The following GRID2 variants were observed in gnomAD, a reference collection of about 807,000 sequenced individuals.
GRID2 encodes glutamate ionotropic receptor delta type subunit 2, also known as glutamate receptor ionotropic, delta-2.
In GRID2, 33 loss-of-function variants were observed where a neutral mutation model predicts 114.8. The ratio of observed to expected loss-of-function variants is 0.29; its 90% CI spans 0.22 to 0.38. The LOEUF (loss-of-function observed/expected upper bound fraction) is 0.38. GRID2 is among the 10% of genes least tolerant of loss of function. The probability of loss-of-function intolerance (pLI) is 1.00; values close to 1 mark genes in which losing one functional copy is unlikely to be tolerated. For missense variants in GRID2, 1,184 were observed against 1,257.7 expected (o/e 0.94, Z 0.89); for synonymous variants, 505 against 449.9 (o/e 1.12, Z -1.55).
chr4:93,480,174 T>C (rs1725712757), intron 11 of GRID2, among the ~76,000 whole-genome samples: 1 of 152,086 alleles, frequency 6.6e-6, no homozygotes, highest in South Asian at 2.1e-4. Flanking sequence ...ATAGTAGAAC[T>C]GACTGAGCAA....
chr4:93,031,379 C>G (rs1350206838), intron 2 of GRID2, among the ~76,000 whole-genome samples: 2 of 152,078 alleles, frequency 1.3e-5, no homozygotes, highest in East Asian at 3.9e-4. Flanking sequence ...AATTAAAAAT[C>G]CACAATCTTT....
chr4:92,680,018 T>A (rs1733570971), intron 2 of GRID2, among the ~76,000 whole-genome samples: 1 of 152,012 alleles, frequency 6.6e-6, no homozygotes, highest in African/African-American at 2.4e-5. Flanking sequence ...AATTCAACTT[T>A]CCTGGCTTAG....
At chr4:92,703,617 T>TTATA (rs3971001) in intron 2 of GRID2, among the ~76,000 whole-genome samples, 4,247 of 140,850 alleles carry the variant, frequency 0.03, 130 homozygotes, top group African/African-American at 0.082. Context: ...AGGAAAAACA[T>TTATA]TATATATATA....
chr4:93,310,398 G>A (rs1035040202), intron 8 of GRID2, among the ~76,000 whole-genome samples: 1 of 152,072 alleles, frequency 6.6e-6, no homozygotes, highest in Non-Finnish European at 1.5e-5. Flanking sequence ...AGGTTTGGTG[G>A]CGCACTCCTG....
chr4:93,381,407 G>T (rs1426618317), intron 8 of GRID2, among the ~76,000 whole-genome samples: 2 of 152,036 alleles, frequency 1.3e-5, no homozygotes, highest in Admixed American at 1.3e-4. Context: ...TCTATCCTTT[G>T]TAAGGCTGAC....
intron 11 of GRID2, among the ~76,000 whole-genome samples, chr4:93,462,156 G>A (rs962380581): frequency 6.6e-6 from 1 of 152,116 alleles, no homozygotes; most frequent in Non-Finnish European, 1.5e-5. Context: ...GGAAAATAAG[G>A]AATAACTCTT....
At chr4:93,374,615 C>A (rs1254496168) in intron 8 of GRID2, among the ~76,000 whole-genome samples, 1 of 151,890 alleles carries the variant, frequency 6.6e-6, no homozygotes, top group Non-Finnish European at 1.5e-5. Flanking sequence ...AGTTGAAATC[C>A]CCCCCATAGA....
At chr4:93,768,732 G>A (rs1221102348) in intron 14 of GRID2, among the ~76,000 whole-genome samples, 1 of 152,126 alleles carries the variant, frequency 6.6e-6, no homozygotes, top group Non-Finnish European at 1.5e-5. Context: ...CATATGCTGG[G>A]TGACATTACG....
chr4:92,896,223 C>G (rs879260842), intron 2 of GRID2, among the ~76,000 whole-genome samples: 2 of 152,076 alleles, frequency 1.3e-5, no homozygotes, highest in African/African-American at 2.4e-5. Context: ...AGAAGAGCCC[C>G]CAGGCAATAT....
At chr4:92,786,513 A>G (rs1259296454) in intron 2 of GRID2, among the ~76,000 whole-genome samples, 1 of 151,922 alleles carries the variant, frequency 6.6e-6, no homozygotes, top group Non-Finnish European at 1.5e-5. Context: ...TCAGGGACAC[A>G]TAAATGATTG....
chr4:93,306,217 A>G (rs1370810472), intron 8 of GRID2: 1 of 152,234 alleles, frequency 6.6e-6, no homozygotes, highest in African/African-American at 2.4e-5. Context: ...TACCAAAAGA[A>G]TGCTGACTTC....
chr4:92,678,970 GC>G (rs909694026), intron 2 of GRID2, among the ~76,000 whole-genome samples: 1 of 142,024 alleles, frequency 7.0e-6, no homozygotes, highest in African/African-American at 2.7e-5. Flanking sequence ...ACTGCAAATA[GC>G]TTTTTTTTTT....
intron 2 of GRID2, among the ~76,000 whole-genome samples, chr4:93,053,860 A>T (rs910540879): frequency 1.6e-4 from 25 of 152,058 alleles, no homozygotes; most frequent in Middle Eastern, 3.4e-3. Flanking sequence ...GCTTACCAAG[A>T]TCAATTAACA....
intron 1 of GRID2, among the ~76,000 whole-genome samples, chr4:92,360,522 A>G (rs975583241): frequency 5.9e-5 from 9 of 152,066 alleles, no homozygotes; most frequent in Non-Finnish European, 1.2e-4. Context: ...TCCTAAAAAA[A>G]TTCATAGTCT....
intron 14 of GRID2, among the ~76,000 whole-genome samples, chr4:93,671,361 T>A (rs1181313841): frequency 6.6e-6 from 1 of 152,142 alleles, no homozygotes; most frequent in Admixed American, 6.5e-5. Context: ...TTTTGAGCAT[T>A]CAAAAGTCTT....
At chr4:92,502,964 C>T (rs548173565) in intron 1 of GRID2, among the ~76,000 whole-genome samples, 3 of 152,024 alleles carry the variant, frequency 2.0e-5, no homozygotes, top group African/African-American at 7.2e-5. Flanking sequence ...GATCAGCCCA[C>T]CTTAGCTTCC....
chr4:93,135,326 A>G (rs1372258609), intron 4 of GRID2, among the ~76,000 whole-genome samples: 2 of 152,148 alleles, frequency 1.3e-5, no homozygotes, highest in Non-Finnish European at 2.9e-5. Flanking sequence ...TTCTATTTTG[A>G]AAACAATTAT....
intron 10 of GRID2, among the ~76,000 whole-genome samples, chr4:93,441,645 T>C (rs942964448): frequency 5.3e-5 from 8 of 151,768 alleles, no homozygotes; most frequent in Non-Finnish European, 1.0e-4. Context: ...ATTTAAAGGA[T>C]TTTTTTTAAC....
chr4:92,312,016 G>C (rs138235648), intron 1 of GRID2, among the ~76,000 whole-genome samples: 1 of 151,820 alleles, frequency 6.6e-6, no homozygotes, highest in African/African-American at 2.4e-5. Context: ...TTGGAACAGA[G>C]ACTTGATCCA....
Sources: gnomAD v4.1 joint callset for allele counts (sites outside exome capture counted in the v4.1 genomes callset) on GRCh38, gnomAD v4.1.1 for gene constraint, MANE v1.5 for transcripts, NCBI Gene and HGNC (gene_info 2026-07-23, HGNC 2026-07-21) for gene names.